VSIR: variants seen among roughly 807,000 people sequenced by gnomAD.
The protein encoded by VSIR is V-type immunoglobulin domain-containing suppressor of T-cell activation.
VSIR carries 10 observed loss-of-function variants against 31.0 expected under a neutral mutation model. The ratio of observed to expected loss-of-function variants is 0.32; its 90% CI spans 0.20 to 0.55. The LOEUF is 0.55. Ranked by LOEUF, VSIR falls within the 20% of genes least tolerant of loss-of-function variation. The probability of loss-of-function intolerance (pLI) is 0.93; values close to 1 mark genes in which losing one functional copy is unlikely to be tolerated. For synonymous variants in VSIR, 179 were observed against 180.1 expected (o/e 0.99, Z 0.05); for missense variants, 356 against 416.2 (o/e 0.86, Z 1.26).
Position 71,761,796 on chromosome 10 carries a change from G to A in VSIR, c.313C>T (p.Gln105Ter). 6.2e-7 allele frequency: 1 copy of A among 1,614,142 alleles called. No homozygotes were observed. Among genetic ancestry groups the A allele is most frequent in the Non-Finnish European group, 8.5e-7 (1 of 1,180,038 alleles). Residue 105 changes from glutamine to a stop codon, truncating the protein, a stop_gained, in exon 2 of 7, where the codon CAG becomes TAG. Coordinates refer to ENST00000394957, the MANE Select transcript of VSIR (RefSeq NM_022153.2). LOFTEE classifies it high-confidence loss of function. Reference protein sequence around the residue: ...QDLHLHHGGHQAANTSHDLAQ... With the variant: ...QDLHLHHGGH Reference sequence around the variant, plus strand: ...AGGTCGTGGCTGGTGTTGGCAGCCTGGTGGCCTCCATGGTGCAGGTGAAGG... The same window carrying A: ...AGGTCGTGGCTGGTGTTGGCAGCCTAGTGGCCTCCATGGTGCAGGTGAAGG...
At position 71,773,445 on chromosome 10, in the gene VSIR, C is replaced by G; in HGVS notation, c.-6G>C. ...AGGGCCGTGGGGACGCCCATGTCGC[C>G]GTCGGACGCGCAGAGGAACTTCTGG... is the stretch of plus-strand genomic sequence containing the variant. On this transcript the variant is annotated 5_prime_UTR_variant, in exon 1 of 7. Coordinates refer to ENST00000394957, the MANE Select transcript of VSIR (RefSeq NM_022153.2). 1 of 1,588,622 alleles carries G rather than the reference C, an allele frequency of 6.3e-7. No homozygotes were observed. The highest frequency in any genetic ancestry group is 1.3e-5 in the African/African-American group (1 of 74,646).
In VSIR at chr10:71,751,138, G is replaced by C; in HGVS notation, c.*115C>G. On this transcript the variant is annotated 3_prime_UTR_variant, in exon 7 of 7. Transcript: ENST00000394957. The surrounding 1 kb of genome is among the most constrained non-coding windows in gnomAD (Gnocchi z 4.9). ...TGGGATGTCACAGTATCTGAGCCCA[G>C]AGCAGGAGGGAGGGAACCAGGGCCG... 1 of 1,260,152 alleles carries C rather than the reference G, an allele frequency of 7.9e-7. No homozygotes were observed. The highest frequency in any genetic ancestry group is 1.1e-6 in the Non-Finnish European group (1 of 905,928). 78.1% of individuals were successfully genotyped at this position (1,260,152 alleles called of 1,614,324 possible). A position where few individuals can be genotyped will look rare whatever the true frequency, so the allele number is the denominator to read the frequency against.
intron 3 of VSIR, among the ~76,000 whole-genome samples, chr10:71,758,934 A>T (rs191915223): frequency 6.6e-4 from 100 of 151,758 alleles, no homozygotes; most frequent in African/African-American, 2.3e-3. Context: ...CAGTGGTGTG[A>T]TCTCGGCTCA....
At position 71,761,746 on chromosome 10, in the gene VSIR, C is replaced by T. The variant is rs1034459689; in HGVS notation, c.363G>A (p.Ser121=). 8.7e-6 allele frequency: 14 copies of T among 1,613,992 alleles called. No homozygotes were observed. In the African/African-American group the frequency reaches 9.3e-5, roughly 11 times the overall value. The change falls in exon 2 of 7, where the codon TCG becomes TCA. Residue 121 remains serine (S), a synonymous_variant. Coordinates refer to ENST00000394957, the MANE Select transcript of VSIR (RefSeq NM_022153.2). ...HDLAQRHGLE[S]ASDHHGNFSI... is the part of the protein sequence containing the mutation. ...AGAAGTTGCCATGGTGGTCGGAGGC[C>T]GACTCCAGCCCGTGGCGCTGAGCCA... is the stretch of plus-strand genomic sequence containing the variant.
chr10:71,760,231 G>A (rs1384652301), intron 3 of VSIR, among the ~76,000 whole-genome samples: 1 of 22,036 alleles, frequency 4.5e-5, no homozygotes, highest in Admixed American at 3.8e-4. Context: ...GTATATATAT[G>A]TATATACATA....
At position 71,773,487 on chromosome 10, in the gene VSIR, G is replaced by A; in HGVS notation, c.-48C>T. The A allele has an allele frequency of 3.9e-6, 6 of 1,535,218 alleles. No homozygotes were observed. The highest frequency in any genetic ancestry group is 5.3e-6 in the Non-Finnish European group (6 of 1,131,782). On this transcript the variant is annotated 5_prime_UTR_variant, in exon 1 of 7. Transcript: ENST00000394957. Reference sequence around the variant, plus strand: ...AACTTCTGGTGCCGGGGAGCGGGCGGGACGCGGCCGGCGCGGGGAAGCCTC... The same window carrying A: ...AACTTCTGGTGCCGGGGAGCGGGCGAGACGCGGCCGGCGCGGGGAAGCCTC...
intron 4 of VSIR, 31 bp from the exon 5 acceptor site, chr10:71,753,033 T>C (rs1404556616): frequency 6.2e-7 from 1 of 1,609,242 alleles, no homozygotes; most frequent in African/African-American, 1.3e-5. Context: ...AAGCTGGTCA[T>C]GGAAGGGAAG....
intron 1 of VSIR, among the ~76,000 whole-genome samples, chr10:71,773,003 C>T (rs937913888): frequency 1.3e-5 from 2 of 152,228 alleles, no homozygotes; most frequent in Non-Finnish European, 2.9e-5. Flanking sequence ...GTGATATCCA[C>T]CAGAACACAC....
At chr10:71,756,681 C>T (rs908977781) in intron 3 of VSIR, among the ~76,000 whole-genome samples, 1 of 152,182 alleles carries the variant, frequency 6.6e-6, no homozygotes, top group African/African-American at 2.4e-5. Context: ...AACAGACGTG[C>T]CCTCAGAACC....
intron 1 of VSIR, 103 bp from the exon 2 acceptor site, chr10:71,762,129 G>A: frequency 7.5e-7 from 1 of 1,333,236 alleles, no homozygotes; most frequent in Non-Finnish European, 1.0e-6. Context: ...CCCAGCCACA[G>A]GCCAGGGGCA....
intron 3 of VSIR, among the ~76,000 whole-genome samples, chr10:71,759,154 C>A (rs891766776): frequency 6.6e-6 from 1 of 152,040 alleles, no homozygotes; most frequent in Non-Finnish European, 1.5e-5. Context: ...TCTCTTGCCT[C>A]AGCCTCTTGA....
At chr10:71,755,877 G>A (rs1339814022) in intron 3 of VSIR, among the ~76,000 whole-genome samples, 2 of 152,188 alleles carry the variant, frequency 1.3e-5, no homozygotes, top group African/African-American at 2.4e-5. Context: ...TGAAAGTTTT[G>A]AAAATAGACA....
rs147171538 is a variant in VSIR at position 71,758,808 on chromosome 10, A to G, written c.568+2060T>C. On this transcript the variant is annotated intron_variant, in intron 3 of 6. Transcript: ENST00000394957. ...TTTGGAGGTCAAGGTGGGAAGATCA[A>G]TTGAGCCCAGGAGTTCAAGACCAGC... Among the ~76,000 whole-genome samples, 18 of 152,188 alleles carry G rather than the reference A, an allele frequency of 1.2e-4. No individual in the cohort carries two copies. The East Asian group carries it at 2.9e-3, about 25-fold the overall frequency.
chr10:71,752,136 G>A (rs1288775020), intron 5 of VSIR: 2 of 607,810 alleles, frequency 3.3e-6, no homozygotes, highest in African/African-American at 3.7e-5. Flanking sequence ...GCACAGCCAG[G>A]AAGCCAAAAA....
At chr10:71,755,497 GC>G in intron 3 of VSIR, 31 bp from the exon 4 acceptor site, 2 of 1,578,090 alleles carry the variant, frequency 1.3e-6, no homozygotes. Flanking sequence ...CCAAGGTGAA[GC>G]CCCATTCCCA....
chr10:71,760,740 AAAG>A (rs745855458), intron 3 of VSIR, 125 bp downstream of exon 3: 48 of 821,282 alleles, frequency 5.8e-5, no homozygotes, highest in Non-Finnish European at 9.2e-5. Flanking sequence ...CAGCAGCAGA[AAAG>A]GAGGAGGACC....
Position 71,751,764 on chromosome 10 carries a change from G to A in VSIR, c.802C>T (p.Gln268Ter). 1 of 1,604,178 alleles carries A rather than the reference G, an allele frequency of 6.2e-7. No individual in the cohort carries two copies. Among genetic ancestry groups the A allele is most frequent in the Non-Finnish European group, 8.5e-7 (1 of 1,175,020 alleles). The change falls in exon 6 of 7, where the codon CAG (glutamine) becomes TAG (stop). Residue 268 changes from glutamine (Q) to a stop codon, truncating the protein, a stop_gained. Coordinates refer to ENST00000394957, the MANE Select transcript of VSIR (RefSeq NM_022153.2). LOFTEE classifies it high-confidence loss of function. The surrounding 1 kb of genome is among the most constrained non-coding windows in gnomAD (Gnocchi z 4.9). Reference sequence around the variant, plus strand: ...CGCCCAGACTCAGAAGGCTGCCGCTGGGCCACATAGGACAGGGGGTGCCTG... The same window carrying A: ...CGCCCAGACTCAGAAGGCTGCCGCTAGGCCACATAGGACAGGGGGTGCCTG... Reference protein sequence around the residue: ...KVRHPLSYVAQRQPSESGRHL... With the variant: ...KVRHPLSYVA
intron 3 of VSIR, among the ~76,000 whole-genome samples, chr10:71,756,667 TG>T (rs1384941509): frequency 1.3e-5 from 2 of 152,204 alleles, no homozygotes; most frequent in Non-Finnish European, 2.9e-5. Context: ...GGAGTTTAGC[TG>T]GGAACAGACG....
At chr10:71,759,640 C>A (rs559387231) in intron 3 of VSIR, among the ~76,000 whole-genome samples, 1 of 151,826 alleles carries the variant, frequency 6.6e-6, no homozygotes, top group Non-Finnish European at 1.5e-5. Context: ...AACCCCAGCT[C>A]CACTAAAAAT....
Sources: gnomAD v4.1 joint callset for allele counts (sites outside exome capture counted in the v4.1 genomes callset) on GRCh38, gnomAD v4.1.1 for gene constraint, Gnocchi (gnomAD v3.1) non-coding constraint, MANE v1.5 for transcripts, NCBI Gene and HGNC (gene_info 2026-07-23, HGNC 2026-07-21) for gene names.